The following NF1 variants were observed in gnomAD, a reference collection of about 807,000 sequenced individuals.
NF1 encodes neurofibromin.
NF1 carries 122 observed loss-of-function variants against 325.7 expected under a neutral mutation model. That is an observed-to-expected ratio of 0.37 (90% CI 0.32 to 0.44). The LOEUF (loss-of-function observed/expected upper bound fraction) is 0.44, where lower values mean the gene tolerates loss of function less well. NF1 is among the 20% of genes least tolerant of loss of function. The pLI, the probability that NF1 is intolerant of heterozygous loss-of-function variation, is 1.00. For synonymous variants in NF1, 1,091 were observed against 1,186.0 expected, an observed-to-expected ratio of 0.92 and a Z score of 1.65; for missense variants, 2,140 against 3,415.4, an observed-to-expected ratio of 0.63 and a Z score of 9.31.
chr17:31,257,471 CA>C (rs1231267738), intron 31 of NF1, among the ~76,000 whole-genome samples: 3 of 152,098 alleles, frequency 2.0e-5, no homozygotes, highest in Non-Finnish European at 4.4e-5. Context: ...GGAGCTGAAC[CA>C]GTTTTATAGC....
At chr17:31,277,733 A>G (rs1055498623) in intron 36 of NF1, among the ~76,000 whole-genome samples, 1 of 152,184 alleles carries the variant, frequency 6.6e-6, no homozygotes, top group African/African-American at 2.4e-5. Flanking sequence ...GGCTACATCC[A>G]TCCATGCAGT....
At chr17:31,273,400 C>T (rs924752024) in intron 36 of NF1, among the ~76,000 whole-genome samples, 2 of 152,098 alleles carry the variant, frequency 1.3e-5, no homozygotes, top group African/African-American at 2.4e-5. Context: ...CTTCATTTTG[C>T]AAATGGGCTC....
intron 1 of NF1, among the ~76,000 whole-genome samples, chr17:31,106,680 A>G (rs966910793): frequency 1.3e-5 from 2 of 152,246 alleles, no homozygotes; most frequent in African/African-American, 4.8e-5. Flanking sequence ...TGTTAGAAAT[A>G]GATGTAAATT....
intron 1 of NF1, chr17:31,137,181 T>C (rs1015499435): frequency 5.3e-5 from 8 of 152,216 alleles, no homozygotes; most frequent in African/African-American, 1.7e-4. Flanking sequence ...ATCTCTATTC[T>C]GCTTTGAGTT....
intron 1 of NF1, chr17:31,137,472 C>T (rs1915861009): frequency 6.6e-6 from 1 of 152,152 alleles, no homozygotes; most frequent in Admixed American, 6.5e-5. Flanking sequence ...CCATCATTAA[C>T]ACGTTCTCAG....
intron 39 of NF1, among the ~76,000 whole-genome samples, chr17:31,334,049 G>A (rs2069574357): frequency 6.6e-6 from 1 of 152,192 alleles, no homozygotes; most frequent in African/African-American, 2.4e-5. Context: ...CACTTTGGGA[G>A]GCCGAGGCGG....
intron 5 of NF1, among the ~76,000 whole-genome samples, chr17:31,176,899 TG>T (rs1189290316): frequency 1.3e-5 from 2 of 152,214 alleles, no homozygotes; most frequent in African/African-American, 4.8e-5. Context: ...CATGCTGTTT[TG>T]GTTACTGTAG....
intron 36 of NF1, among the ~76,000 whole-genome samples, chr17:31,324,375 T>C (rs1182451956): frequency 6.6e-6 from 1 of 151,790 alleles, no homozygotes; most frequent in East Asian, 2.0e-4. Flanking sequence ...CCTGTATGTG[T>C]GATATTTTGA....
chr17:31,214,285 A>G (rs1281995070), intron 12 of NF1, among the ~76,000 whole-genome samples, 166 bp from the exon 13 acceptor site: 1 of 152,288 alleles, frequency 6.6e-6, no homozygotes, highest in South Asian at 2.1e-4. Flanking sequence ...AAGCTTAATA[A>G]TACTGACCTT....
intron 33 of NF1, 143 bp from the exon 34 acceptor site, chr17:31,260,226 T>C (rs1299699176): frequency 3.6e-5 from 31 of 863,324 alleles, no homozygotes; most frequent in Non-Finnish European, 5.7e-5. Context: ...TTGCTTTGTC[T>C]AATGTCAAGT....
chr17:31,349,086 C>CTTGTTTGT, intron 48 of NF1, 34 bp from the exon 49 acceptor site: 3 of 1,550,924 alleles, frequency 1.9e-6, no homozygotes, highest in Non-Finnish European at 2.6e-6. Context: ...TTAATTCTTA[C>CTTGTTTGT]TTGTTTGTTT....
At chr17:31,191,456 G>A (rs1355082937) in intron 8 of NF1, among the ~76,000 whole-genome samples, 2 of 152,122 alleles carry the variant, frequency 1.3e-5, no homozygotes, top group Non-Finnish European at 2.9e-5. Flanking sequence ...GCAATAAAAA[G>A]GAACTACTGA....
intron 1 of NF1, among the ~76,000 whole-genome samples, chr17:31,111,075 A>G (rs1004871848): frequency 6.6e-6 from 1 of 151,522 alleles, no homozygotes; most frequent in East Asian, 1.9e-4. Context: ...ACCATCACAA[A>G]CCCCCCCATT....
chr17:31,103,992 G>A (rs1912619334), intron 1 of NF1, among the ~76,000 whole-genome samples: 1 of 152,084 alleles, frequency 6.6e-6, no homozygotes, highest in Admixed American at 6.6e-5. Flanking sequence ...CTGCACTCTG[G>A]CCTGGGTGAG....
chr17:31,326,358 G>A, intron 37 of NF1, 106 bp downstream of exon 37: 3 of 1,145,064 alleles, frequency 2.6e-6, no homozygotes, highest in Non-Finnish European at 2.5e-6. Flanking sequence ...TGTATAAAAT[G>A]TCACGTAAGG....
At chr17:31,228,776 C>T (rs1443176773) in intron 20 of NF1, among the ~76,000 whole-genome samples, 1 of 152,012 alleles carries the variant, frequency 6.6e-6, no homozygotes, top group East Asian at 1.9e-4. Context: ...ATGATGTTTC[C>T]AAGGTTCATC....
chr17:31,182,942 T>C, intron 8 of NF1: 1 of 590,758 alleles, frequency 1.7e-6, no homozygotes, highest in South Asian at 2.2e-5. Context: ...ACCTCTGTTA[T>C]TATTAAACGT....
In NF1 at chr17:31,229,288, CA is replaced by C. The variant is rs1555614296; in HGVS notation, c.2674del (p.Ser892AlafsTer10). 6.2e-7 allele frequency: 1 copy of C among 1,613,858 alleles called. No homozygotes were observed. Among genetic ancestry groups the C allele is most frequent in the Non-Finnish European group, 8.5e-7 (1 of 1,179,842 alleles). On this transcript the variant is annotated frameshift_variant, in exon 21 of 58. Transcript: ENST00000358273. LOFTEE classifies it high-confidence loss of function. ...CAGAGGGAAACGCAGATACACCTGT[CA>C]GCAAATTTATGGATCGGCTGTTGTC... is the stretch of plus-strand genomic sequence containing the variant. ...SSEGNADTPV[S>X]KFMDRLLSLM...
chr17:31,320,091 A>G (rs2069140722), intron 36 of NF1, among the ~76,000 whole-genome samples: 1 of 152,138 alleles, frequency 6.6e-6, no homozygotes. Flanking sequence ...GGCATATCTT[A>G]GAATTTAACA....
Sources: gnomAD v4.1 joint callset for allele counts (sites outside exome capture counted in the v4.1 genomes callset) on GRCh38, gnomAD v4.1.1 for gene constraint, MANE v1.5 for transcripts, NCBI Gene and HGNC (gene_info 2026-07-23, HGNC 2026-07-21) for gene names.